The following ERI3 variants were observed in gnomAD, a reference collection of about 807,000 sequenced individuals.
ERI3 encodes ERI1 exoribonuclease family member 3, also known as ERI1 exoribonuclease 3.
In ERI3, 18 loss-of-function variants were observed where a neutral mutation model predicts 44.4. That is an observed-to-expected ratio of 0.41 (90% CI 0.28 to 0.60). The LOEUF (loss-of-function observed/expected upper bound fraction) is 0.60. Among genes scored for constraint, ERI3 ranks in the 20% least tolerant of loss-of-function variants. ERI3 has a pLI of 0.36. For missense variants in ERI3, 294 were observed against 435.5 expected (o/e 0.68, Z 2.89); for synonymous variants, 183 against 164.8 (o/e 1.11, Z -0.84).
intron 6 of ERI3, among the ~76,000 whole-genome samples, chr1:44,293,868 C>A (rs558895145): frequency 6.6e-6 from 1 of 152,200 alleles, no homozygotes; most frequent in Non-Finnish European, 1.5e-5. Flanking sequence ...TACACACGCA[C>A]CTCTGGCCTG....
chr1:44,246,174 T>C (rs1316078819), intron 8 of ERI3, among the ~76,000 whole-genome samples: 1 of 152,230 alleles, frequency 6.6e-6, no homozygotes, highest in Non-Finnish European at 1.5e-5. Context: ...AGCTGCTTCC[T>C]AACCCAAATT....
intron 4 of ERI3, among the ~76,000 whole-genome samples, chr1:44,313,778 A>C (rs1451337527): frequency 6.6e-6 from 1 of 152,060 alleles, no homozygotes; most frequent in East Asian, 1.9e-4. Context: ...ACAGGCTCCT[A>C]TCCTTCACCC....
At chr1:44,275,014 C>T (rs1226169483) in intron 7 of ERI3, among the ~76,000 whole-genome samples, 3 of 152,108 alleles carry the variant, frequency 2.0e-5, no homozygotes, top group Non-Finnish European at 4.4e-5. Flanking sequence ...TGCCAAAGAC[C>T]GAGACCACAG....
rs1644105195 is a variant in ERI3 at position 44,228,689 on chromosome 1, T to G, written c.932-7049A>C. 6.6e-6 allele frequency among the ~76,000 whole-genome samples: 1 copy of G among 151,830 alleles called. No homozygotes were observed. The highest frequency in any genetic ancestry group is 1.9e-4 in the East Asian group (1 of 5,180). ...TCACAGCCACTTGGGGGCAGTGGGG[T>G]GGAGGGGGGGATGTGCCTGGCCGGG... On this transcript the variant is annotated intron_variant, in intron 8 of 8. Coordinates refer to ENST00000372257, the MANE Select transcript of ERI3 (RefSeq NM_024066.3). The surrounding 1 kb of genome is among the most constrained non-coding windows in gnomAD (Gnocchi z 4.3).
intron 3 of ERI3, among the ~76,000 whole-genome samples, chr1:44,335,530 C>T (rs962225956): frequency 6.6e-6 from 1 of 151,876 alleles, no homozygotes; most frequent in African/African-American, 2.4e-5. Flanking sequence ...GAGGCTGAGG[C>T]GGGTGGATCA....
chr1:44,244,000 A>T (rs754521191), intron 8 of ERI3: 1 of 152,152 alleles, frequency 6.6e-6, no homozygotes, highest in South Asian at 2.1e-4. Flanking sequence ...TTCTTCATCT[A>T]TAAAATGGGA....
At chr1:44,289,062 T>C (rs549901299) in intron 6 of ERI3, among the ~76,000 whole-genome samples, 1 of 152,228 alleles carries the variant, frequency 6.6e-6, no homozygotes, top group Non-Finnish European at 1.5e-5. Context: ...ATGCTTATTA[T>C]TGTTGCCCAA....
rs555252422 is a variant in ERI3 at position 44,347,313 on chromosome 1, G to C, written c.211+5537C>G. 5.3e-5 allele frequency among the ~76,000 whole-genome samples: 8 copies of C among 152,230 alleles called. No homozygotes were observed. The East Asian group carries it at 1.2e-3, about 22-fold the overall frequency. On this transcript the variant is annotated intron_variant, in intron 2 of 8. Transcript: ENST00000372257. The stretch of plus-strand genomic sequence containing the variant: ...AGAAAAATTACAGGCCTGAGCACAA[G>C]AGCAGAATTAAAAGAACGGCAGCAC...
Position 44,352,935 on chromosome 1 carries a change from A to T in ERI3, c.136-10T>A. The T allele has an allele frequency of 6.2e-7, 1 of 1,614,088 alleles. No individual in the cohort carries two copies. The highest frequency in any genetic ancestry group is 8.5e-7 in the Non-Finnish European group (1 of 1,179,992). On this transcript the variant is annotated splice_polypyrimidine_tract_variant and intron_variant, in intron 1 of 8. Coordinates refer to ENST00000372257, the MANE Select transcript of ERI3 (RefSeq NM_024066.3). The stretch of plus-strand genomic sequence containing the variant: ...CTGGAAAGCCCCAATGCTGTGGATA[A>T]ATACACATCTCTGCAACAAGTCTAT...
intron 3 of ERI3, among the ~76,000 whole-genome samples, chr1:44,324,572 C>G (rs192410609): frequency 1.3e-5 from 2 of 149,144 alleles, no homozygotes; most frequent in East Asian, 4.0e-4. Flanking sequence ...AGCTCTGCCT[C>G]CCGGGTTCAC....
In ERI3 at chr1:44,323,181, T is replaced by A. The variant is rs1557851463; in HGVS notation, c.490-3437A>T. 2.5e-5 allele frequency: 6 copies of A among 238,458 alleles called. No homozygotes were observed. In the East Asian group the frequency reaches 5.4e-4, roughly 21 times the overall value. The allele number at this position is 238,458 out of a possible 1,614,324, so 14.8% of individuals were successfully genotyped here. On this transcript the variant is annotated intron_variant, in intron 3 of 8. Coordinates refer to ENST00000372257, the MANE Select transcript of ERI3 (RefSeq NM_024066.3). ...AGCTTTACAATTCTTTGCCTTTGTA[T>A]GCCATTTGCATTCAATTAAACTACC... is the stretch of plus-strand genomic sequence containing the variant.
chr1:44,306,851 T>C (rs1338486533), intron 6 of ERI3, among the ~76,000 whole-genome samples: 1 of 152,228 alleles, frequency 6.6e-6, no homozygotes. Context: ...CTGGGCCATA[T>C]GAACCCCAGA....
rs867643566 is a variant in ERI3, at chr1:44,354,945, G to C, written c.82C>G (p.Pro28Ala). ...GGLVSWPPAP[P>A]LTLPWTWMGP... Reference sequence around the variant, plus strand: ...ATCCAAGTCCAGGGGAGAGTAAGGGGAGGGGCGGGGGGCCAGGAGACCAGC... The same window carrying C: ...ATCCAAGTCCAGGGGAGAGTAAGGGCAGGGGCGGGGGGCCAGGAGACCAGC... The change falls in exon 1 of 9, where the codon CCC (proline) becomes GCC (alanine). Residue 28 changes from proline (P) to alanine (A), a missense_variant. Transcript: ENST00000372257. 1 of 1,337,250 alleles carries C rather than the reference G, an allele frequency of 7.5e-7. No homozygotes were observed. Among genetic ancestry groups the C allele is most frequent in the Non-Finnish European group, 9.6e-7 (1 of 1,036,504 alleles). 82.8% of individuals were successfully genotyped at this position (1,337,250 alleles called of 1,614,324 possible). A position where few individuals can be genotyped will look rare whatever the true frequency, so the allele number is the denominator to read the frequency against.
At chr1:44,351,150 C>G (rs1282385081) in intron 2 of ERI3, among the ~76,000 whole-genome samples, 1 of 152,068 alleles carries the variant, frequency 6.6e-6, no homozygotes, top group Non-Finnish European at 1.5e-5. Context: ...TCTCCCGCCT[C>G]AGCCTCCCAA....
At chr1:44,324,672 C>G (rs1321539943) in intron 3 of ERI3, among the ~76,000 whole-genome samples, 1 of 152,036 alleles carries the variant, frequency 6.6e-6, no homozygotes, top group Non-Finnish European at 1.5e-5. Context: ...TTAGTAGAGA[C>G]AGAGTTTCAC....
intron 3 of ERI3, among the ~76,000 whole-genome samples, chr1:44,321,541 A>C (rs1172361498): frequency 6.6e-6 from 1 of 152,218 alleles, no homozygotes; most frequent in East Asian, 1.9e-4. Flanking sequence ...CACCAAAAAA[A>C]TACACATTGG....
intron 6 of ERI3, among the ~76,000 whole-genome samples, chr1:44,303,013 G>C (rs1645758570): frequency 1.3e-5 from 2 of 152,240 alleles, no homozygotes; most frequent in South Asian, 4.1e-4. Context: ...TGTGTAAACA[G>C]CACAATAGGG....
At position 44,319,714 on chromosome 1, in the gene ERI3, T is replaced by C; in HGVS notation, c.520A>G (p.Asn174Asp). ...EIIEFPILKLNGRTMEIESTF... is the reference protein window; with the variant it reads ...EIIEFPILKLDGRTMEIESTF... Reference sequence around the variant, plus strand: ...GACTCAATCTCCATGGTCCGGCCATTTAGCTTTAGGATGGGGAACTCGATG... The same window carrying C: ...GACTCAATCTCCATGGTCCGGCCATCTAGCTTTAGGATGGGGAACTCGATG... Residue 174 changes from asparagine (N) to aspartate (D), a missense_variant, in exon 4 of 9, where the codon AAT becomes GAT. Asn to Asp is a conservative substitution (Grantham distance 23, BLOSUM62 1). Coordinates refer to ENST00000372257, the MANE Select transcript of ERI3 (RefSeq NM_024066.3). The C allele has an allele frequency of 1.9e-6, 3 of 1,614,166 alleles. No homozygotes were observed. The highest frequency in any genetic ancestry group is 2.5e-6 in the Non-Finnish European group (3 of 1,179,996).
chr1:44,222,819 T>C (rs1295274609), intron 8 of ERI3, among the ~76,000 whole-genome samples: 1 of 152,186 alleles, frequency 6.6e-6, no homozygotes, highest in African/African-American at 2.4e-5. Flanking sequence ...GCTGTGATTG[T>C]AGAAATATTG....
Sources: gnomAD v4.1 joint callset for allele counts (sites outside exome capture counted in the v4.1 genomes callset) on GRCh38, gnomAD v4.1.1 for gene constraint, Gnocchi (gnomAD v3.1) non-coding constraint, MANE v1.5 for transcripts, NCBI Gene and HGNC (gene_info 2026-07-23, HGNC 2026-07-21) for gene names.